SORCS1: variants seen among roughly 807,000 people sequenced by gnomAD.
The protein encoded by SORCS1 is sortilin related VPS10 domain containing receptor 1, also known as VPS10 domain-containing receptor SorCS1.
In SORCS1, 60 loss-of-function variants were observed where a neutral mutation model predicts 146.1. The observed-to-expected ratio is 0.41, with a 90% CI of 0.33 to 0.51. The LOEUF (loss-of-function observed/expected upper bound fraction) is 0.51, where lower values mean the gene tolerates loss of function less well. Among genes scored for constraint, SORCS1 ranks in the 20% least tolerant of loss-of-function variants. The pLI, the probability that SORCS1 is intolerant of heterozygous loss-of-function variation, is 0.21. For missense variants in SORCS1, 1,352 were observed against 1,487.6 expected (o/e 0.91, Z 1.50); for synonymous variants, 637 against 584.0 (o/e 1.09, Z -1.31).
rs781271467 is a variant in SORCS1 at position 106,673,002 on chromosome 10, G to A, written c.1941-17C>T. 6.3e-7 allele frequency: 1 copy of A among 1,592,808 alleles called. No homozygotes were observed. The highest frequency in any genetic ancestry group is 8.6e-7 in the Non-Finnish European group (1 of 1,161,746). ...CCAAACACTCTACAGAGTTCATGGT[G>A]ATAAAAATAATTACAATGATAACAA... On this transcript the variant is annotated splice_polypyrimidine_tract_variant and intron_variant, in intron 14 of 25. Coordinates refer to ENST00000263054, the MANE Select transcript of SORCS1 (RefSeq NM_052918.5).
intron 5 of SORCS1, among the ~76,000 whole-genome samples, chr10:106,746,198 A>T (rs1564924547): frequency 6.6e-6 from 1 of 152,110 alleles, no homozygotes; most frequent in Non-Finnish European, 1.5e-5. Flanking sequence ...AAAACCAGAC[A>T]GTCTCTATTT....
At chr10:106,992,966 G>T (rs140985059) in intron 1 of SORCS1, among the ~76,000 whole-genome samples, 7,714 of 151,434 alleles carry the variant, frequency 0.051, 691 homozygotes, top group African/African-American at 0.17. Flanking sequence ...CTAGTAGCTG[G>T]GATTACAGGC....
intron 17 of SORCS1, among the ~76,000 whole-genome samples, chr10:106,660,394 A>C (rs910532923): frequency 6.6e-6 from 1 of 152,192 alleles, no homozygotes; most frequent in Non-Finnish European, 1.5e-5. Flanking sequence ...CTTTGTGGTG[A>C]GAATATTCAA....
At chr10:107,023,626 G>A (rs1056132538) in intron 1 of SORCS1, among the ~76,000 whole-genome samples, 2 of 152,072 alleles carry the variant, frequency 1.3e-5, no homozygotes, top group African/African-American at 4.8e-5. Context: ...AGACCGGAAG[G>A]ACTAATGAAG....
chr10:106,685,078 T>A (rs1208170990), intron 10 of SORCS1, among the ~76,000 whole-genome samples: 1 of 152,202 alleles, frequency 6.6e-6, no homozygotes, highest in African/African-American at 2.4e-5. Context: ...CCCTCTTTCT[T>A]CCATCTTAAT....
At chr10:106,895,810 G>A (rs983306900) in intron 2 of SORCS1, among the ~76,000 whole-genome samples, 1 of 152,052 alleles carries the variant, frequency 6.6e-6, no homozygotes, top group African/African-American at 2.4e-5. Flanking sequence ...GTCTCAAAGG[G>A]ATATTTGCAT....
intron 4 of SORCS1, among the ~76,000 whole-genome samples, chr10:106,775,745 C>T (rs1431777155): frequency 2.0e-5 from 3 of 152,178 alleles, no homozygotes; most frequent in Non-Finnish European, 2.9e-5. Context: ...GTTTTTATGG[C>T]CAGAGTCTCT....
intron 3 of SORCS1, among the ~76,000 whole-genome samples, chr10:106,781,737 T>G (rs2136420389): frequency 6.6e-6 from 1 of 152,316 alleles, no homozygotes; most frequent in South Asian, 2.1e-4. Context: ...GGCTGAGTAC[T>G]TATCCTTCCC....
chr10:106,760,294 C>G (rs4918251), intron 5 of SORCS1, among the ~76,000 whole-genome samples: 35,816 of 151,214 alleles, frequency 0.24, 4,583 homozygotes, highest in Non-Finnish European at 0.29. Flanking sequence ...AATACAAAAA[C>G]TTAGCCAGGC....
intron 3 of SORCS1, among the ~76,000 whole-genome samples, chr10:106,819,327 T>C (rs1422795376): frequency 1.3e-5 from 2 of 152,182 alleles, no homozygotes; most frequent in East Asian, 3.8e-4. Flanking sequence ...CACACAATTA[T>C]TATGTAGCTT....
intron 1 of SORCS1, among the ~76,000 whole-genome samples, chr10:107,155,372 G>T (rs559820072): frequency 6.6e-6 from 1 of 152,296 alleles, no homozygotes; most frequent in Admixed American, 6.5e-5. Flanking sequence ...CTCCTAGGGA[G>T]TTTGTAAAAT....
chr10:106,898,155 T>C (rs1050290298), intron 2 of SORCS1, among the ~76,000 whole-genome samples: 7 of 152,252 alleles, frequency 4.6e-5, no homozygotes, highest in Non-Finnish European at 1.5e-5. Context: ...TGAAATCCCC[T>C]TATTCTCCTG....
intron 1 of SORCS1, among the ~76,000 whole-genome samples, chr10:106,988,841 T>C: frequency 6.6e-6 from 1 of 152,132 alleles, no homozygotes; most frequent in Non-Finnish European, 1.5e-5. Context: ...TCCCATCACT[T>C]AAAACTATAG....
chr10:107,037,027 T>A (rs563749999), intron 1 of SORCS1, among the ~76,000 whole-genome samples: 17 of 151,700 alleles, frequency 1.1e-4, no homozygotes, highest in Non-Finnish European at 2.1e-4. Flanking sequence ...AGGTGGATCA[T>A]CTGAGGTCGG....
At chr10:106,861,627 C>T (rs1019242072) in intron 2 of SORCS1, among the ~76,000 whole-genome samples, 4 of 152,188 alleles carry the variant, frequency 2.6e-5, no homozygotes, top group Non-Finnish European at 4.4e-5. Context: ...CGCAGTCCCT[C>T]ACACCTGTAA....
At chr10:107,049,633 A>C (rs1959919025) in intron 1 of SORCS1, among the ~76,000 whole-genome samples, 1 of 152,116 alleles carries the variant, frequency 6.6e-6, no homozygotes, top group African/African-American at 2.4e-5. Context: ...TTAGCATTGA[A>C]GTTTGTCTTT....
At chr10:106,752,098 CTAGT>C (rs1344312624) in intron 5 of SORCS1, among the ~76,000 whole-genome samples, 2 of 152,074 alleles carry the variant, frequency 1.3e-5, no homozygotes, top group East Asian at 3.8e-4. Context: ...TTGGAATCAC[CTAGT>C]TAGTTAATAG....
At chr10:106,778,805 G>A (rs556491045) in intron 3 of SORCS1, among the ~76,000 whole-genome samples, 1 of 152,264 alleles carries the variant, frequency 6.6e-6, no homozygotes, top group East Asian at 1.9e-4. Flanking sequence ...CTAGTTCCCT[G>A]TTAGCCAGAA....
intron 23 of SORCS1, among the ~76,000 whole-genome samples, chr10:106,603,892 G>A (rs1846401956): frequency 6.6e-6 from 1 of 152,106 alleles, no homozygotes; most frequent in African/African-American, 2.4e-5. Context: ...TTGGTTCAGG[G>A]AGGGTATAAA....
Sources: gnomAD v4.1 joint callset for allele counts (sites outside exome capture counted in the v4.1 genomes callset) on GRCh38, gnomAD v4.1.1 for gene constraint, MANE v1.5 for transcripts, NCBI Gene and HGNC (gene_info 2026-07-23, HGNC 2026-07-21) for gene names.